TJAP1: variants seen among roughly 807,000 people sequenced by gnomAD.
TJAP1 encodes the protein tight junction associated protein 1, also known as tight junction-associated protein 1.
A neutral mutation model predicts 42.0 loss-of-function variants in TJAP1; 27 were observed. The ratio of observed to expected loss-of-function variants is 0.64; its 90% CI spans 0.47 to 0.89. TJAP1 has a LOEUF of 0.89. Among genes scored for constraint, TJAP1 ranks in the 40% least tolerant of loss-of-function variants. The pLI is 0.00. For synonymous variants in TJAP1, 257 were observed against 288.4 expected (o/e 0.89, Z 1.10); for missense variants, 712 against 726.9 (o/e 0.98, Z 0.24).
At chr6:43,498,830 G>T in intron 3 of TJAP1, 148 bp from the exon 4 acceptor site, 1 of 753,042 alleles carries the variant, frequency 1.3e-6, no homozygotes, top group Non-Finnish European at 2.1e-6. Flanking sequence ...CCTAAGTCCT[G>T]CCCCTCTAGT....
chr6:43,479,619 T>A lies in TJAP1; in HGVS notation c.-122+1387T>A, dbSNP rs73426718. The stretch of plus-strand genomic sequence containing the variant: ...CTGCAATGCACTATGATGGCACCTG[T>A]GAATACCCATTGTACTCCAGCCTGG... On this transcript the variant is annotated intron_variant, in intron 2 of 10. Coordinates refer to ENST00000372449, the Ensembl canonical transcript of TJAP1. Among the ~76,000 whole-genome samples, 759 of 152,202 alleles carry A rather than the reference T, an allele frequency of 5.0e-3. 9 individuals are homozygous for A. Among genetic ancestry groups the A allele is most frequent in the African/African-American group, 0.017 (695 of 41,528 alleles).
chr6:43,502,239 C>G, intron 6 of TJAP1, 44 bp from the exon 7 acceptor site: 1 of 1,607,062 alleles, frequency 6.2e-7, no homozygotes, highest in Non-Finnish European at 8.5e-7. Flanking sequence ...GCCTGAAGAA[C>G]AGGATCTTGA....
At chr6:43,499,053 C>A in exon 4 of TJAP1, 1 of 1,614,156 alleles carries the variant, frequency 6.2e-7, no homozygotes, top group Non-Finnish European at 8.5e-7. Context: ...ACCACCAGAG[C>A]ATCGGGAGCT....
At chr6:43,504,934 C>T (rs762556744) in exon 11 of TJAP1, 24 of 1,614,168 alleles carry the variant, frequency 1.5e-5, no homozygotes, top group African/African-American at 4.0e-5. Context: ...AGTCAGGCAG[C>T]GCCGGGCGCC....
chr6:43,499,160 C>T, intron 4 of TJAP1, 60 bp downstream of exon 4: 1 of 1,598,050 alleles, frequency 6.3e-7, no homozygotes, highest in Admixed American at 1.7e-5. Context: ...GGCTGGGTGT[C>T]TGGCTGACTT....
In TJAP1 at chr6:43,492,894, G is replaced by A. The variant is rs1441942222; in HGVS notation, c.-121-4987G>A. Among the ~76,000 whole-genome samples the A allele has an allele frequency of 2.0e-5, 3 of 152,194 alleles. No homozygotes were observed. Among genetic ancestry groups the A allele is most frequent in the Non-Finnish European group, 2.9e-5 (2 of 68,030 alleles). On this transcript the variant is annotated intron_variant, in intron 2 of 10. Coordinates refer to ENST00000372449, the Ensembl canonical transcript of TJAP1. The surrounding 1 kb of genome is among the most constrained non-coding windows in gnomAD (Gnocchi z 4.2). The stretch of plus-strand genomic sequence containing the variant: ...CTGGGGCACAGCTTCCCACAGGCTT[G>A]CAGACTTCAGAGACTCCACATCCAG...
At position 43,505,608 on chromosome 6, in the gene TJAP1, A is replaced by T; in HGVS notation, c.1427A>T (p.Asp476Val). ...GAGCTTTTGCTACCCACAGAACCTG[A>T]CTCTGGCTTTCCCAGGGAGGAAGAA... Residue 476 changes from aspartate to valine, a missense_variant, in exon 11 of 11, where the codon GAC (aspartate) becomes GTC (valine). Asp to Val is a radical substitution (Grantham distance 152). Around this residue, in one of 3 missense-constraint regions of TJAP1, gnomAD observed 549 missense variants for 528.2 expected, o/e 1.04. Coordinates refer to ENST00000372449, the Ensembl canonical transcript of TJAP1. The surrounding 1 kb of genome is among the most constrained non-coding windows in gnomAD (Gnocchi z 5.5). 1 of 1,613,330 alleles carries T rather than the reference A, an allele frequency of 6.2e-7. No homozygotes were observed. The highest frequency in any genetic ancestry group is 8.5e-7 in the Non-Finnish European group (1 of 1,179,980).
In TJAP1 at chr6:43,505,924, G is replaced by C; in HGVS notation, c.*69G>C. The C allele has an allele frequency of 1.4e-6, 2 of 1,411,896 alleles. No individual in the cohort carries two copies. The highest frequency in any genetic ancestry group is 1.8e-6 in the Non-Finnish European group (2 of 1,084,748). The allele number at this position is 1,411,896 out of a possible 1,614,324, so 87.5% of individuals were successfully genotyped here. A position where few individuals can be genotyped will look rare whatever the true frequency, so the allele number is the denominator to read the frequency against. ...GGAGTCCCCACACCTTGGCAGCTCA[G>C]GGTCCCCAGTCCAAGCCCTTGACCT... On this transcript the variant is annotated 3_prime_UTR_variant, in exon 11 of 11. Coordinates refer to ENST00000372449, the Ensembl canonical transcript of TJAP1. This position sits in a 1 kb window ranked among gnomAD's most constrained non-coding sequence, Gnocchi z 5.5.
chr6:43,497,062 T>G (rs1020906354), intron 2 of TJAP1: 3 of 152,338 alleles, frequency 2.0e-5, no homozygotes, highest in African/African-American at 7.2e-5. Flanking sequence ...GACTGGGGTT[T>G]TCTTCACGAG....
At position 43,492,086 on chromosome 6, in the gene TJAP1, G is replaced by T. The variant is rs531729720; in HGVS notation, c.-121-5795G>T. Reference sequence around the variant, plus strand: ...TTGCAGGGAGGGGTTGGTTTGCCTGGCTCTTTAGCCCCTTGTTCCTGTGAA... The same window carrying T: ...TTGCAGGGAGGGGTTGGTTTGCCTGTCTCTTTAGCCCCTTGTTCCTGTGAA... On this transcript the variant is annotated intron_variant, in intron 2 of 10. Coordinates refer to ENST00000372449, the Ensembl canonical transcript of TJAP1. This position sits in a 1 kb window ranked among gnomAD's most constrained non-coding sequence, Gnocchi z 4.2. Among the ~76,000 whole-genome samples the T allele has an allele frequency of 1.3e-5, 2 of 152,280 alleles. No individual in the cohort carries two copies. The highest frequency in any genetic ancestry group is 4.1e-4 in the South Asian group (2 of 4,824).
rs758394924 is a variant in TJAP1, at chr6:43,495,130, CA to C, written c.-121-2750del. On this transcript the variant is annotated intron_variant, in intron 2 of 10. Coordinates refer to ENST00000372449, the Ensembl canonical transcript of TJAP1. This position sits in a 1 kb window ranked among gnomAD's most constrained non-coding sequence, Gnocchi z 4.6. ...AACCTTTGGGTGAAGGAGATGTGGCCAGGGGAGGCTGCACCTGGTAGCTGGG... is the reference window on the plus strand; with the variant it reads ...AACCTTTGGGTGAAGGAGATGTGGCCGGGGAGGCTGCACCTGGTAGCTGGG... Among the ~76,000 whole-genome samples, 1 of 152,342 alleles carries C rather than the reference CA, an allele frequency of 6.6e-6. No individual in the cohort carries two copies. Among genetic ancestry groups the C allele is most frequent in the South Asian group, 2.1e-4 (1 of 4,830 alleles).
exon 4 of TJAP1, chr6:43,499,022 T>A (rs757020194): frequency 1.2e-6 from 2 of 1,613,944 alleles, no homozygotes; most frequent in African/African-American, 2.7e-5. Context: ...CCGCCCCTGC[T>A]AAGAAACCCT....
At chr6:43,488,013 G>A (rs1786940636) in intron 2 of TJAP1, among the ~76,000 whole-genome samples, 1 of 152,078 alleles carries the variant, frequency 6.6e-6, no homozygotes, top group African/African-American at 2.4e-5. Context: ...GGGATTATAG[G>A]CGCCAGCCAA....
At chr6:43,486,207 C>T (rs563781498) in intron 2 of TJAP1, among the ~76,000 whole-genome samples, 46 of 152,094 alleles carry the variant, frequency 3.0e-4, no homozygotes, top group East Asian at 1.6e-3. Flanking sequence ...TCAGGTGATC[C>T]GCCCACCTCG....
At chr6:43,496,281 C>T (rs1332632285) in intron 2 of TJAP1, among the ~76,000 whole-genome samples, 2 of 152,156 alleles carry the variant, frequency 1.3e-5, no homozygotes, top group African/African-American at 4.8e-5. Context: ...ATCCACATAC[C>T]CAGGTGGGTT....
At chr6:43,504,855 C>T (rs2127662066) in exon 11 of TJAP1, 1 of 1,614,238 alleles carries the variant, frequency 6.2e-7, no homozygotes, top group African/African-American at 1.3e-5. Context: ...GCCCCAGGGG[C>T]TGTGGTGCCT....
chr6:43,487,870 G>GTTTT (rs549444658), intron 2 of TJAP1, among the ~76,000 whole-genome samples: 1 of 138,354 alleles, frequency 7.2e-6, no homozygotes, highest in African/African-American at 2.7e-5. Flanking sequence ...CCTTCTAGTA[G>GTTTT]TTTTTTTTTT....
intron 2 of TJAP1, chr6:43,497,662 C>T (rs1789519169): frequency 6.6e-6 from 1 of 152,270 alleles, no homozygotes; most frequent in Admixed American, 6.5e-5. Context: ...TGTATCTCAT[C>T]TGGGCCTGTG....
intron 2 of TJAP1, among the ~76,000 whole-genome samples, chr6:43,478,969 T>G (rs977306447): frequency 6.6e-6 from 1 of 152,210 alleles, no homozygotes; most frequent in Non-Finnish European, 1.5e-5. Flanking sequence ...GAACTTGCTC[T>G]TTTCTTTTCT....
Sources: allele counts gnomAD v4.1 joint callset (sites outside exome capture counted in the v4.1 genomes callset), GRCh38; gene constraint gnomAD v4.1.1; regional missense constraint gnomAD v4.1.1; non-coding constraint Gnocchi (gnomAD v3.1); transcripts MANE v1.5; gene names NCBI Gene and HGNC (gene_info 2026-07-23, HGNC 2026-07-21).